ILDR2: variants seen among roughly 807,000 people sequenced by gnomAD.
ILDR2 encodes the protein immunoglobulin-like domain-containing receptor 2.
A neutral mutation model predicts 66.8 loss-of-function variants in ILDR2; 25 were observed. The observed-to-expected ratio is 0.37, with a 90% CI of 0.27 to 0.52. ILDR2 has a LOEUF of 0.52. Among genes scored for constraint, ILDR2 ranks in the 20% least tolerant of loss-of-function variants. ILDR2 has a pLI of 0.88. For missense variants in ILDR2, 827 were observed against 876.8 expected, an observed-to-expected ratio of 0.94 and a Z score of 0.72; for synonymous variants, 367 against 357.2, an observed-to-expected ratio of 1.03 and a Z score of -0.31.
intron 6 of ILDR2, among the ~76,000 whole-genome samples, chr1:166,934,165 T>C (rs1324168289): frequency 6.6e-6 from 1 of 152,138 alleles, no homozygotes; most frequent in Non-Finnish European, 1.5e-5. Flanking sequence ...TATATTTTAA[T>C]GCCCCTCCAC....
Position 166,911,149 on chromosome 1 carries a change from A to G in ILDR2, c.*8206T>C, listed in dbSNP as rs1010915580. On this transcript the variant is annotated 3_prime_UTR_variant, in exon 10 of 10. Transcript: ENST00000271417. ...GCCTTCTGTTCACTCTTAAACCCTA[A>G]AACAGTCTATGTCTATAATTAAGAC... The G allele has an allele frequency of 6.6e-6, 1 of 152,178 alleles. No individual in the cohort carries two copies. Among genetic ancestry groups the G allele is most frequent in the African/African-American group, 2.4e-5 (1 of 41,438 alleles). The allele number at this position is 152,178 out of a possible 1,614,324, so 9.4% of individuals were successfully genotyped here. A position where few individuals can be genotyped will look rare whatever the true frequency, so the allele number is the denominator to read the frequency against.
chr1:166,953,025 A>G (rs1662074456), intron 3 of ILDR2, among the ~76,000 whole-genome samples: 1 of 152,260 alleles, frequency 6.6e-6, no homozygotes, highest in Non-Finnish European at 1.5e-5. Flanking sequence ...TGCTAGATGT[A>G]GTAATGGCAT....
chr1:166,960,516 TAACA>T (rs1220933123), intron 1 of ILDR2, among the ~76,000 whole-genome samples: 2 of 152,200 alleles, frequency 1.3e-5, no homozygotes, highest in African/African-American at 2.4e-5. Context: ...TCAGAGTTGT[TAACA>T]AACATTCTTT....
chr1:166,941,228 T>C (rs61815130), intron 3 of ILDR2, among the ~76,000 whole-genome samples: 26,472 of 152,180 alleles, frequency 0.17, 2,411 homozygotes, highest in Non-Finnish European at 0.19. Flanking sequence ...AGCTTCCTTC[T>C]TTCTGTCCCC....
chr1:166,912,759 T>C lies in ILDR2; in HGVS notation c.*6596A>G, dbSNP rs1571085627. The C allele has an allele frequency of 6.6e-6, 1 of 152,234 alleles. No individual in the cohort carries two copies. The highest frequency in any genetic ancestry group is 1.9e-4 in the East Asian group (1 of 5,196). The allele number at this position is 152,234 out of a possible 1,614,324, so 9.4% of individuals were successfully genotyped here. ...TTCTTTTGCTAACAAAGGTTTTTAA[T>C]TGCCTCCTCTTAATTATGGTGCTGT... On this transcript the variant is annotated 3_prime_UTR_variant, in exon 10 of 10. Coordinates refer to ENST00000271417, the MANE Select transcript of ILDR2 (RefSeq NM_199351.3).
chr1:166,929,266 A>G (rs976137803), intron 6 of ILDR2, among the ~76,000 whole-genome samples: 1 of 152,246 alleles, frequency 6.6e-6, no homozygotes, highest in African/African-American at 2.4e-5. Context: ...TGAGTTCTCT[A>G]TCATTATCAG....
intron 3 of ILDR2, among the ~76,000 whole-genome samples, chr1:166,950,805 C>T (rs1661934535): frequency 1.3e-5 from 2 of 151,796 alleles, no homozygotes; most frequent in South Asian, 4.2e-4. Flanking sequence ...AACTGTACTT[C>T]TGGTTAAATC....
chr1:166,926,730 G>A (rs925518758), intron 7 of ILDR2, among the ~76,000 whole-genome samples: 1 of 151,694 alleles, frequency 6.6e-6, no homozygotes, highest in Admixed American at 6.6e-5. Context: ...TTCAAAGAAA[G>A]TTGGTTCTTT....
chr1:166,931,878 A>T (rs973250109), intron 6 of ILDR2, among the ~76,000 whole-genome samples: 1 of 152,250 alleles, frequency 6.6e-6, no homozygotes, highest in East Asian at 1.9e-4. Flanking sequence ...CAGCAGATTA[A>T]TTCAATTTCC....
chr1:166,944,246 A>G (rs918150523), intron 3 of ILDR2, among the ~76,000 whole-genome samples: 11 of 152,210 alleles, frequency 7.2e-5, no homozygotes, highest in Non-Finnish European at 1.5e-5. Flanking sequence ...AACTCTTTGT[A>G]CACATTCCTG....
intron 7 of ILDR2, 29 bp from the exon 8 acceptor site, chr1:166,922,838 G>A (rs780954045): frequency 1.3e-6 from 2 of 1,577,186 alleles, no homozygotes; most frequent in South Asian, 1.1e-5. Context: ...GCATGATAGA[G>A]CTTTTTGTGT....
At position 166,920,937 on chromosome 1, in the gene ILDR2, A is replaced by T. The variant is rs1448274886; in HGVS notation, c.1654T>A (p.Ser552Thr). The T allele has an allele frequency of 6.7e-7, 1 of 1,484,532 alleles. No homozygotes were observed. Among genetic ancestry groups the T allele is most frequent in the Non-Finnish European group, 8.9e-7 (1 of 1,126,108 alleles). 92.0% of individuals were successfully genotyped at this position (1,484,532 alleles called of 1,614,324 possible). A position where few individuals can be genotyped will look rare whatever the true frequency, so the allele number is the denominator to read the frequency against. The stretch of plus-strand genomic sequence containing the variant: ...GGGCCGAGCTGCGCGCTCCGCTTGG[A>T]TGGCGTCTCCAGGCTGCCACCGCGG... ...ASRGGSLETP[S>T]KRSAQLGPRS... Residue 552 changes from serine (S) to threonine (T), a missense_variant, in exon 9 of 10, where the codon TCC becomes ACC. Ser to Thr is a moderately conservative substitution (Grantham distance 58). Coordinates refer to ENST00000271417, the MANE Select transcript of ILDR2 (RefSeq NM_199351.3).
chr1:166,958,419 G>A (rs1662411084), intron 1 of ILDR2, among the ~76,000 whole-genome samples: 1 of 152,032 alleles, frequency 6.6e-6, no homozygotes, highest in Admixed American at 6.6e-5. Flanking sequence ...AGATCTGATG[G>A]TTTAAAAGTG....
chr1:166,939,547 G>C lies in ILDR2; in HGVS notation c.523C>G (p.Leu175Val), dbSNP rs1321342168. 1 of 1,613,996 alleles carries C rather than the reference G, an allele frequency of 6.2e-7. No homozygotes were observed. Among genetic ancestry groups the C allele is most frequent in the Non-Finnish European group, 8.5e-7 (1 of 1,179,854 alleles). The change falls in exon 4 of 10, where the codon CTC becomes GTC. Residue 175 changes from leucine (L) to valine (V), a missense_variant. Physicochemically the swap from Leu to Val is conservative, Grantham distance 32 (BLOSUM62 1). Around this residue, in one of 2 missense-constraint regions of ILDR2, gnomAD observed 437 missense variants for 523.2 expected, o/e 0.84. Coordinates refer to ENST00000271417, the MANE Select transcript of ILDR2 (RefSeq NM_199351.3). ...VLGRTGLLAD[L>V]LPSFAVEIMP... ...ATCTCCACAGCAAAACTGGGCAAGA[G>C]ATCAGCAAGCAGCCCTGTCCTGCCT...
intron 3 of ILDR2, among the ~76,000 whole-genome samples, chr1:166,955,246 A>G (rs1198441593): frequency 6.6e-6 from 1 of 152,192 alleles, no homozygotes; most frequent in Non-Finnish European, 1.5e-5. Context: ...GGACCCAAAG[A>G]CTTTGTTTGA....
At chr1:166,956,638 G>A in intron 3 of ILDR2, 95 bp downstream of exon 3, 1 of 1,376,836 alleles carries the variant, frequency 7.3e-7, no homozygotes, top group East Asian at 2.3e-5. Flanking sequence ...TATGCAACCT[G>A]CTAATGCACA....
intron 4 of ILDR2, among the ~76,000 whole-genome samples, chr1:166,938,515 C>G (rs1401774397): frequency 6.6e-6 from 1 of 152,016 alleles, no homozygotes; most frequent in Non-Finnish European, 1.5e-5. Context: ...AAGGGGATTA[C>G]AAAGAGGCAT....
intron 7 of ILDR2, among the ~76,000 whole-genome samples, chr1:166,923,594 T>C (rs1373429103): frequency 6.6e-6 from 1 of 152,206 alleles, no homozygotes; most frequent in Non-Finnish European, 1.5e-5. Flanking sequence ...GAGGAGGGTG[T>C]GCTGTACTTA....
At chr1:166,927,312 C>T in intron 6 of ILDR2, 132 bp from the exon 7 acceptor site, 7 of 632,508 alleles carry the variant, frequency 1.1e-5, no homozygotes, top group Non-Finnish European at 1.9e-5. Context: ...CCAGAAATAA[C>T]GATCTATATT....
Sources: gnomAD v4.1 joint callset for allele counts (sites outside exome capture counted in the v4.1 genomes callset) on GRCh38, gnomAD v4.1.1 for gene constraint, gnomAD v4.1.1 regional missense constraint, MANE v1.5 for transcripts, NCBI Gene and HGNC (gene_info 2026-07-23, HGNC 2026-07-21) for gene names.